The following CACNA1B variants were observed in gnomAD, a reference collection of about 807,000 sequenced individuals.
CACNA1B encodes the protein voltage-dependent N-type calcium channel subunit alpha-1B.
A neutral mutation model predicts 247.2 loss-of-function variants in CACNA1B; 70 were observed. That is an observed-to-expected ratio of 0.28 (90% confidence interval 0.23 to 0.35). The LOEUF is 0.35. Ranked by LOEUF, CACNA1B falls within the 10% of genes least tolerant of loss-of-function variation. The pLI is 1.00. For synonymous variants in CACNA1B, 1,231 were observed against 1,294.4 expected, an observed-to-expected ratio of 0.95 and a Z score of 1.05; for missense variants, 2,367 against 3,197.4, an observed-to-expected ratio of 0.74 and a Z score of 6.26.
In CACNA1B at chr9:137,880,152, C is replaced by T. The variant is rs1956897171; in HGVS notation, c.390+993C>T. On this transcript the variant is annotated intron_variant, in intron 2 of 46. Transcript: ENST00000371372. The surrounding 1 kb of genome is among the most constrained non-coding windows in gnomAD (Gnocchi z 4.8). Reference sequence around the variant, plus strand: ...AACTGAACTCCCTTTGAACCTGGGCCACCGCAGGCCCAGGAGTGCAGAAGG... The same window carrying T: ...AACTGAACTCCCTTTGAACCTGGGCTACCGCAGGCCCAGGAGTGCAGAAGG... Among the ~76,000 whole-genome samples the T allele has an allele frequency of 6.6e-6, 1 of 152,214 alleles. No individual in the cohort carries two copies. The highest frequency in any genetic ancestry group is 2.4e-5 in the African/African-American group (1 of 41,460).
chr9:137,910,132 C>G lies in CACNA1B; in HGVS notation c.531-3048C>G, dbSNP rs116259835. 8.0e-3 allele frequency among the ~76,000 whole-genome samples: 1,219 copies of G among 152,212 alleles called. 15 individuals carry two copies. The highest frequency in any genetic ancestry group is 0.028 in the African/African-American group (1,172 of 41,498). On this transcript the variant is annotated intron_variant, in intron 3 of 46. Coordinates refer to ENST00000371372, the MANE Select transcript of CACNA1B (RefSeq NM_000718.4). ...CATTGTGGTTTTGATGTTTACTTCCCTAATGATTAGTGATGTTGAGCATCT... is the reference window on the plus strand; with the variant it reads ...CATTGTGGTTTTGATGTTTACTTCCGTAATGATTAGTGATGTTGAGCATCT...
intron 16 of CACNA1B, among the ~76,000 whole-genome samples, chr9:138,009,050 G>T (rs1310378636): frequency 6.6e-6 from 1 of 152,240 alleles, no homozygotes; most frequent in Non-Finnish European, 1.5e-5. Flanking sequence ...CTGTGCAGGG[G>T]CAGGGAGGTG....
chr9:138,120,511 A>G, intron 45 of CACNA1B, 120 bp from the exon 46 acceptor site: 3 of 1,376,220 alleles, frequency 2.2e-6, no homozygotes, highest in Non-Finnish European at 1.9e-6. Context: ...ACTGAGGCCC[A>G]GGCCCTAACC....
chr9:138,089,468 A>G (rs1001206847), intron 36 of CACNA1B, among the ~76,000 whole-genome samples: 3 of 152,206 alleles, frequency 2.0e-5, no homozygotes, highest in Admixed American at 6.5e-5. Flanking sequence ...GATAAAATTC[A>G]ACATCCCTTC....
At chr9:138,040,074 A>G (rs1158296510) in intron 20 of CACNA1B, among the ~76,000 whole-genome samples, 1 of 152,116 alleles carries the variant, frequency 6.6e-6, no homozygotes, top group African/African-American at 2.4e-5. Context: ...CAGTAGTTGG[A>G]CCACAGGCGC....
intron 15 of CACNA1B, among the ~76,000 whole-genome samples, chr9:138,005,730 A>G (rs1958638707): frequency 6.6e-6 from 1 of 152,230 alleles, no homozygotes; most frequent in Non-Finnish European, 1.5e-5. Context: ...ATATGTACAA[A>G]TACTATGTAT....
intron 20 of CACNA1B, among the ~76,000 whole-genome samples, chr9:138,025,794 A>G (rs1958913698): frequency 6.6e-6 from 1 of 152,050 alleles, no homozygotes; most frequent in Non-Finnish European, 1.5e-5. Context: ...AAACCTGTCT[A>G]ATAGGGAGAG....
intron 3 of CACNA1B, among the ~76,000 whole-genome samples, chr9:137,910,458 C>T (rs533192850): frequency 9.9e-5 from 15 of 152,064 alleles, no homozygotes; most frequent in East Asian, 3.9e-4. Flanking sequence ...GGTTTTGGGA[C>T]GATTCAAGTG....
rs1346112711 is a variant in CACNA1B, at chr9:137,885,587, G to A, written c.530+2704G>A. ...TGGGGCCGCTCTGCTCCTGAGGCTG[G>A]TGTGGAGCTATGGAGGAGGCCCTGG... is the stretch of plus-strand genomic sequence containing the variant. On this transcript the variant is annotated intron_variant, in intron 3 of 46. Coordinates refer to ENST00000371372, the MANE Select transcript of CACNA1B (RefSeq NM_000718.4). 3.0e-5 allele frequency among the ~76,000 whole-genome samples: 4 copies of A among 131,320 alleles called. No individual in the cohort carries two copies. In the Admixed American group the frequency reaches 3.1e-4, roughly 10 times the overall value. 86.2% of individuals were successfully genotyped at this position (131,320 alleles called of 152,430 possible). A position where few individuals can be genotyped will look rare whatever the true frequency, so the allele number is the denominator to read the frequency against.
intron 40 of CACNA1B, among the ~76,000 whole-genome samples, chr9:138,113,310 A>G (rs1483805418): frequency 2.3e-4 from 31 of 134,152 alleles, no homozygotes; most frequent in Non-Finnish European, 2.4e-4. Flanking sequence ...GCCCAACTCC[A>G]TCTTGTGGGA....
intron 3 of CACNA1B, among the ~76,000 whole-genome samples, chr9:137,898,672 C>CT (rs1180327853): frequency 6.6e-6 from 1 of 150,814 alleles, no homozygotes; most frequent in African/African-American, 2.4e-5. Flanking sequence ...AGCCTGAATA[C>CT]TTAAAAAAAA....
At chr9:138,017,540 G>T (rs888178664) in intron 18 of CACNA1B, among the ~76,000 whole-genome samples, 2 of 152,236 alleles carry the variant, frequency 1.3e-5, no homozygotes, top group Non-Finnish European at 2.9e-5. Flanking sequence ...TCTCCTTGTG[G>T]TTCCCATGAG....
At chr9:138,041,693 G>A (rs1959124861) in intron 20 of CACNA1B, among the ~76,000 whole-genome samples, 1 of 151,930 alleles carries the variant, frequency 6.6e-6, no homozygotes, top group Non-Finnish European at 1.5e-5. Context: ...TGTTTATTTC[G>A]AGCAGCAGAA....
rs1214365538 is a variant in CACNA1B at position 138,121,120 on chromosome 9, A to G, written c.6489+239A>G. Reference sequence around the variant, plus strand: ...CCCTGGGACAGTGGTTCTGCGTCCTATCCACTTTCGGACCTGGGCCCCCAA... The same window carrying G: ...CCCTGGGACAGTGGTTCTGCGTCCTGTCCACTTTCGGACCTGGGCCCCCAA... On this transcript the variant is annotated intron_variant, in intron 46 of 46. Coordinates refer to ENST00000371372, the MANE Select transcript of CACNA1B (RefSeq NM_000718.4). The surrounding 1 kb of genome is among the most constrained non-coding windows in gnomAD (Gnocchi z 6.8). Among the ~76,000 whole-genome samples, 3 of 151,874 alleles carry G rather than the reference A, an allele frequency of 2.0e-5. No individual in the cohort carries two copies. Among genetic ancestry groups the G allele is most frequent in the Non-Finnish European group, 4.4e-5 (3 of 67,958 alleles).
chr9:137,948,806 G>A (rs916916706), intron 6 of CACNA1B, among the ~76,000 whole-genome samples: 1 of 147,256 alleles, frequency 6.8e-6, no homozygotes, highest in Non-Finnish European at 1.5e-5. Context: ...TGTGTGTGGT[G>A]TGTGCATGTG....
chr9:137,904,032 C>T (rs1397001479), intron 3 of CACNA1B, among the ~76,000 whole-genome samples: 1 of 152,174 alleles, frequency 6.6e-6, no homozygotes, highest in Admixed American at 6.5e-5. Context: ...ATTACGGTAC[C>T]TGGAGGTTGC....
At chr9:138,090,818 G>A (rs1434289330) in intron 36 of CACNA1B, among the ~76,000 whole-genome samples, 1 of 149,334 alleles carries the variant, frequency 6.7e-6, no homozygotes, top group African/African-American at 2.5e-5. Flanking sequence ...AAGAAAAAGT[G>A]CTCAACATCT....
intron 23 of CACNA1B, 109 bp downstream of exon 23, chr9:138,047,567 C>A: frequency 1.3e-6 from 1 of 759,316 alleles, no homozygotes; most frequent in Admixed American, 2.1e-5. Context: ...ACTCTTAAGA[C>A]ATATGGTAGG....
At chr9:138,120,993 C>T in intron 46 of CACNA1B, 112 bp downstream of exon 46, 1 of 1,282,258 alleles carries the variant, frequency 7.8e-7, no homozygotes, top group Admixed American at 2.8e-5. Flanking sequence ...CTTTGTCATT[C>T]CCAGCAACCC....
Sources: gnomAD v4.1 joint callset for allele counts (sites outside exome capture counted in the v4.1 genomes callset) on GRCh38, gnomAD v4.1.1 for gene constraint, Gnocchi (gnomAD v3.1) non-coding constraint, MANE v1.5 for transcripts, NCBI Gene and HGNC (gene_info 2026-07-23, HGNC 2026-07-21) for gene names.